RANBP17: variants seen among roughly 807,000 people sequenced by gnomAD.
The protein encoded by RANBP17 is ran-binding protein 17.
A neutral mutation model predicts 141.2 loss-of-function variants in RANBP17; 158 were observed. That is an observed-to-expected ratio of 1.12 (90% CI 0.98 to 1.28). RANBP17 has a LOEUF of 1.28. RANBP17 is among the 50% of genes most tolerant of loss of function. The probability of loss-of-function intolerance (pLI) is 0.00; values close to 1 mark genes in which losing one functional copy is unlikely to be tolerated. For synonymous variants in RANBP17, 430 were observed against 450.0 expected (o/e 0.96, Z 0.56); for missense variants, 1,438 against 1,290.7 (o/e 1.11, Z -1.75).
At chr5:171,046,453 C>T (rs1196511426) in intron 14 of RANBP17, among the ~76,000 whole-genome samples, 1 of 152,072 alleles carries the variant, frequency 6.6e-6, no homozygotes. Context: ...CGTGATCTGC[C>T]TGCCTCAGCC....
At chr5:171,282,413 GTGTC>G (rs1302163886) in intron 25 of RANBP17, among the ~76,000 whole-genome samples, 1 of 152,194 alleles carries the variant, frequency 6.6e-6, no homozygotes, top group Non-Finnish European at 1.5e-5. Context: ...GAAACCTTCT[GTGTC>G]TGTGGCTTCC....
At chr5:171,039,997 GA>G (rs1270229603) in intron 14 of RANBP17, among the ~76,000 whole-genome samples, 3 of 151,984 alleles carry the variant, frequency 2.0e-5, no homozygotes, top group African/African-American at 7.2e-5. Flanking sequence ...AATCGAGGAG[GA>G]AGTGCTCCTC....
intron 14 of RANBP17, among the ~76,000 whole-genome samples, chr5:171,088,483 G>A (rs1044360117): frequency 1.4e-5 from 2 of 146,730 alleles, no homozygotes; most frequent in South Asian, 4.4e-4. Flanking sequence ...GGCATTCTCT[G>A]TATTTCCTGA....
intron 16 of RANBP17, among the ~76,000 whole-genome samples, chr5:171,181,216 G>C (rs1331563971): frequency 6.6e-6 from 1 of 152,044 alleles, no homozygotes; most frequent in Non-Finnish European, 1.5e-5. Context: ...TTTGTGGCCA[G>C]GCACGGTGGA....
chr5:171,191,943 C>CT (rs749240013), intron 18 of RANBP17, among the ~76,000 whole-genome samples: 1 of 152,202 alleles, frequency 6.6e-6, no homozygotes, highest in South Asian at 2.1e-4. Flanking sequence ...TTCTAAGCGT[C>CT]TATGAAATAA....
rs933252735 is a variant in RANBP17, at chr5:171,022,712, G to A, written c.1710+54335G>A. ...TGCCTTCTCCTGCCCAGGGAACTTA[G>A]CGTGTTAGGCAGTTGTGAGTCCCAG... On this transcript the variant is annotated intron_variant, in intron 14 of 27. Transcript: ENST00000523189. Among the ~76,000 whole-genome samples, 4 of 152,206 alleles carry A rather than the reference G, an allele frequency of 2.6e-5. No homozygotes were observed. The South Asian group carries it at 8.3e-4, about 32-fold the overall frequency.
chr5:171,173,458 G>C (rs1381800332), intron 16 of RANBP17, among the ~76,000 whole-genome samples: 2 of 151,900 alleles, frequency 1.3e-5, no homozygotes, highest in Admixed American at 1.3e-4. Flanking sequence ...TTCTCACTAT[G>C]AAGTTTTTTA....
At position 171,199,552 on chromosome 5, in the gene RANBP17, A is replaced by C. The variant is rs113036586; in HGVS notation, c.2039-118A>C. 1,892 of 551,632 alleles carry C rather than the reference A, an allele frequency of 3.4e-3. 40 individuals carry two copies. In the South Asian group the frequency reaches 0.037, roughly 11 times the overall value. The allele number at this position is 551,632 out of a possible 1,614,324, so 34.2% of individuals were successfully genotyped here. A position where few individuals can be genotyped will look rare whatever the true frequency, so the allele number is the denominator to read the frequency against. On this transcript the variant is annotated intron_variant, in intron 18 of 27. Coordinates refer to ENST00000523189, the MANE Select transcript of RANBP17 (RefSeq NM_022897.5). ...AAGTACAAAATGTGGCATGGATGTG[A>C]ATGCAGGCTGACCCCTTCTCGGGAA...
chr5:171,187,505 C>T (rs534296563), intron 18 of RANBP17, among the ~76,000 whole-genome samples: 1 of 150,974 alleles, frequency 6.6e-6, no homozygotes, highest in Non-Finnish European at 1.5e-5. Flanking sequence ...TGTCTATATA[C>T]TTCAAAACAT....
At position 170,916,573 on chromosome 5, in the gene RANBP17, GA is replaced by G; in HGVS notation, c.947del (p.Asn316ThrfsTer21). ...AATTAAGGGAGTAAAAAGGATACTT[GA>G]AAACCCTCAGGTATTTATGAAGTAA... is the stretch of plus-strand genomic sequence containing the variant. ...NLIKGVKRIL[E>X]NPQGLSDPGN... On this transcript the variant is annotated frameshift_variant, in exon 9 of 28. Transcript: ENST00000523189. LOFTEE classifies it high-confidence loss of function. The G allele has an allele frequency of 1.3e-6, 2 of 1,557,632 alleles. No individual in the cohort carries two copies. The highest frequency in any genetic ancestry group is 2.4e-5 in the South Asian group (2 of 82,150).
intron 14 of RANBP17, among the ~76,000 whole-genome samples, chr5:171,016,848 GT>G (rs755190002): frequency 2.0e-4 from 30 of 151,538 alleles, no homozygotes; most frequent in Admixed American, 1.9e-3. Context: ...AGGTATACAT[GT>G]GCCATGGTGG....
chr5:170,936,919 A>G (rs1371552137), intron 12 of RANBP17, among the ~76,000 whole-genome samples: 1 of 152,154 alleles, frequency 6.6e-6, no homozygotes, highest in Non-Finnish European at 1.5e-5. Flanking sequence ...TACTCTTGAA[A>G]TCTATCTTAT....
At chr5:170,933,366 C>G (rs1324840353) in intron 12 of RANBP17, among the ~76,000 whole-genome samples, 1 of 152,018 alleles carries the variant, frequency 6.6e-6, no homozygotes, top group Non-Finnish European at 1.5e-5. Flanking sequence ...AAAACCAGCT[C>G]CTGGATTCAT....
At chr5:171,062,386 C>G (rs1256021118) in intron 14 of RANBP17, among the ~76,000 whole-genome samples, 2 of 152,140 alleles carry the variant, frequency 1.3e-5, no homozygotes, top group African/African-American at 2.4e-5. Flanking sequence ...ATTTGCTTGT[C>G]TGTAAAGTAT....
At chr5:171,022,422 T>C (rs1561996852) in intron 14 of RANBP17, among the ~76,000 whole-genome samples, 1 of 152,252 alleles carries the variant, frequency 6.6e-6, no homozygotes, top group Non-Finnish European at 1.5e-5. Context: ...CCGCAAAGAC[T>C]GTGGCCATCC....
At chr5:170,907,611 G>A (rs1026413112) in intron 5 of RANBP17, among the ~76,000 whole-genome samples, 3 of 151,890 alleles carry the variant, frequency 2.0e-5, no homozygotes, top group African/African-American at 7.2e-5. Context: ...GTCTAAGATA[G>A]TGTGCATATA....
In RANBP17 at chr5:170,886,651, C is replaced by CTTT. The variant is rs3080616; in HGVS notation, c.256+4776_256+4778dup. ...ACACTACACCATTCATTTGAGGTGC[C>CTTT]TTTTTTTTTTTTTTTTTTTTTTTGA... On this transcript the variant is annotated intron_variant, in intron 3 of 27. Coordinates refer to ENST00000523189, the MANE Select transcript of RANBP17 (RefSeq NM_022897.5). 5.7e-3 allele frequency among the ~76,000 whole-genome samples: 502 copies of CTTT among 87,880 alleles called. 14 individuals are homozygous for CTTT. Among genetic ancestry groups the CTTT allele is most frequent in the African/African-American group, 0.02 (441 of 22,464 alleles). 57.7% of individuals were successfully genotyped at this position (87,880 alleles called of 152,430 possible).
In RANBP17 at chr5:170,862,050, A is replaced by T. The variant is rs957345940; in HGVS notation, c.17A>T (p.Gln6Leu). The T allele has an allele frequency of 6.2e-6, 9 of 1,462,924 alleles. No homozygotes were observed. The Admixed American group carries it at 7.6e-5, about 12-fold the overall frequency. 90.6% of individuals were successfully genotyped at this position (1,462,924 alleles called of 1,614,324 possible). MALHF[Q>L]SLAELEVLCT... Reference sequence around the variant, plus strand: ...CCTGGGAAGATGGCGCTGCACTTCCAGGTCAGTGTGCTCTGCGCCGCGGGC... The same window carrying T: ...CCTGGGAAGATGGCGCTGCACTTCCTGGTCAGTGTGCTCTGCGCCGCGGGC... Residue 6 changes from glutamine to leucine, a missense_variant and splice_region_variant, in exon 1 of 28, where the codon CAG (glutamine) becomes CTG (leucine). Gln to Leu is a moderately radical substitution (Grantham distance 113). Transcript: ENST00000523189.
chr5:170,998,967 G>A (rs927571716), intron 14 of RANBP17, among the ~76,000 whole-genome samples: 2 of 151,868 alleles, frequency 1.3e-5, no homozygotes, highest in Non-Finnish European at 2.9e-5. Flanking sequence ...GTATAGTTCA[G>A]AACAAGAAAA....
Sources: gnomAD v4.1 joint callset for allele counts (sites outside exome capture counted in the v4.1 genomes callset) on GRCh38, gnomAD v4.1.1 for gene constraint, MANE v1.5 for transcripts, NCBI Gene and HGNC (gene_info 2026-07-23, HGNC 2026-07-21) for gene names.